ZDHHC7: variants seen among roughly 807,000 people sequenced by gnomAD.
ZDHHC7 encodes the protein palmitoyltransferase ZDHHC7.
In ZDHHC7, 12 loss-of-function variants were observed where a neutral mutation model predicts 34.1. That is an observed-to-expected ratio of 0.35 (90% confidence interval 0.23 to 0.57). The LOEUF (loss-of-function observed/expected upper bound fraction) is 0.57, where lower values mean the gene tolerates loss of function less well. ZDHHC7 is among the 20% of genes least tolerant of loss of function. ZDHHC7 has a pLI of 0.84. For missense variants in ZDHHC7, 388 were observed against 402.7 expected (o/e 0.96, Z 0.31); for synonymous variants, 185 against 155.4 (o/e 1.19, Z -1.42).
upstream of ZDHHC7, among the ~76,000 whole-genome samples, chr16:85,015,303 G>A (rs992182016): frequency 6.6e-6 from 1 of 151,976 alleles, no homozygotes; most frequent in Non-Finnish European, 1.5e-5. Flanking sequence ...GTTTCATCAT[G>A]TTGGCCAGGC....
Position 84,985,514 on chromosome 16 carries a change from CTG to C in ZDHHC7, c.316-3522_316-3521del, listed in dbSNP as rs138514021. On this transcript the variant is annotated intron_variant, in intron 3 of 7. Coordinates refer to ENST00000313732, the MANE Select transcript of ZDHHC7 (RefSeq NM_017740.3). ...AGGGATGTAAACTGCAAACAAAGAA[CTG>C]TGTTTCTTCAACTTAAACCCCAAGG... Among the ~76,000 whole-genome samples, 15 of 152,312 alleles carry C rather than the reference CTG, an allele frequency of 9.8e-5. No homozygotes were observed. The East Asian group carries it at 2.1e-3, about 22-fold the overall frequency.
chr16:84,984,955 T>C (rs998627767), intron 3 of ZDHHC7, among the ~76,000 whole-genome samples: 5 of 152,246 alleles, frequency 3.3e-5, no homozygotes, highest in Admixed American at 2.6e-4. Context: ...CACCGTTTCC[T>C]CTGCACCCAT....
chr16:85,012,849 G>A (rs112072880), upstream of ZDHHC7, among the ~76,000 whole-genome samples: 25 of 152,168 alleles, frequency 1.6e-4, no homozygotes, highest in African/African-American at 5.8e-4. Flanking sequence ...AGAGGTTGCA[G>A]TGGGCCGAGA....
chr16:85,006,812 T>G (rs888605905), intron 1 of ZDHHC7, among the ~76,000 whole-genome samples: 11 of 152,130 alleles, frequency 7.2e-5, no homozygotes. Context: ...TTGCGAAACC[T>G]TCTGGCTCTC....
intron 1 of ZDHHC7, among the ~76,000 whole-genome samples, chr16:85,004,184 C>T (rs968421953): frequency 6.6e-6 from 1 of 151,968 alleles, no homozygotes; most frequent in African/African-American, 2.4e-5. Flanking sequence ...ATCAACGGCA[C>T]ACCACACCCA....
At chr16:84,999,137 A>C (rs1449663863) in intron 1 of ZDHHC7, among the ~76,000 whole-genome samples, 1 of 152,172 alleles carries the variant, frequency 6.6e-6, no homozygotes, top group African/African-American at 2.4e-5. Flanking sequence ...AATATTTTGA[A>C]CTGTTTTCCA....
the ZDHHC7 span, among the ~76,000 whole-genome samples, chr16:85,022,493 A>C: frequency 6.6e-6 from 1 of 152,194 alleles, no homozygotes; most frequent in Non-Finnish European, 1.5e-5. Flanking sequence ...ACTGGACTCC[A>C]GCCTGGGCAA....
the ZDHHC7 span, among the ~76,000 whole-genome samples, chr16:85,016,814 T>A: frequency 6.6e-6 from 1 of 152,088 alleles, no homozygotes; most frequent in African/African-American, 2.4e-5. Flanking sequence ...TCCATTCTTA[T>A]CAAGGATCTT....
At chr16:85,024,282 A>G in the ZDHHC7 span, among the ~76,000 whole-genome samples, 1 of 143,312 alleles carries the variant, frequency 7.0e-6, no homozygotes, top group Non-Finnish European at 1.5e-5. Context: ...CCTAGGCTAG[A>G]GTGCAATGGC....
chr16:84,993,025 T>A (rs2072530613), intron 2 of ZDHHC7, among the ~76,000 whole-genome samples: 1 of 152,120 alleles, frequency 6.6e-6, no homozygotes, highest in Non-Finnish European at 1.5e-5. Context: ...TTCAATCAGA[T>A]AAAAGCAGCT....
chr16:84,988,192 T>A (rs528708047), intron 3 of ZDHHC7, among the ~76,000 whole-genome samples: 2 of 151,464 alleles, frequency 1.3e-5, no homozygotes, highest in African/African-American at 4.8e-5. Flanking sequence ...TCTGTGAACA[T>A]GCAAATTCCA....
chr16:84,984,557 G>A (rs767700204), intron 3 of ZDHHC7, among the ~76,000 whole-genome samples: 1 of 152,032 alleles, frequency 6.6e-6, no homozygotes, highest in Non-Finnish European at 1.5e-5. Flanking sequence ...TCTGGAAAGC[G>A]GCTACCCCAA....
intron 2 of ZDHHC7, among the ~76,000 whole-genome samples, chr16:84,991,310 C>T (rs974849166): frequency 5.3e-5 from 8 of 151,952 alleles, no homozygotes; most frequent in African/African-American, 1.9e-4. Context: ...TTTTTGAAAC[C>T]AAGTCTCACT....
chr16:85,022,965 GT>G, the ZDHHC7 span, among the ~76,000 whole-genome samples: 20 of 152,154 alleles, frequency 1.3e-4, no homozygotes, highest in Non-Finnish European at 2.2e-4. Context: ...CTGAGGAACT[GT>G]TCCAGAGTAA....
intron 2 of ZDHHC7, among the ~76,000 whole-genome samples, chr16:84,990,912 G>A (rs1352477507): frequency 6.6e-6 from 1 of 152,212 alleles, no homozygotes; most frequent in Non-Finnish European, 1.5e-5. Context: ...ATTATGGAAA[G>A]CACAAGCTAG....
At chr16:84,999,617 A>T (rs1161875330) in intron 1 of ZDHHC7, among the ~76,000 whole-genome samples, 1 of 152,204 alleles carries the variant, frequency 6.6e-6, no homozygotes, top group Non-Finnish European at 1.5e-5. Context: ...ACACGGAAGA[A>T]TATATAGTGT....
At chr16:84,983,732 T>C (rs920647239) in intron 3 of ZDHHC7, among the ~76,000 whole-genome samples, 4 of 151,410 alleles carry the variant, frequency 2.6e-5, no homozygotes, top group African/African-American at 9.7e-5. Flanking sequence ...CTGGGCAGGG[T>C]GGCTCACGGC....
chr16:85,007,422 C>CAAAAAA (rs138373927), intron 1 of ZDHHC7, among the ~76,000 whole-genome samples: 3 of 85,504 alleles, frequency 3.5e-5, no homozygotes, highest in Admixed American at 1.2e-4. Context: ...TACTCCATCT[C>CAAAAAA]AAAAAAAAAA....
At chr16:84,976,817 C>A (rs1012335783) in intron 7 of ZDHHC7, among the ~76,000 whole-genome samples, 1 of 152,256 alleles carries the variant, frequency 6.6e-6, no homozygotes, top group African/African-American at 2.4e-5. Context: ...GCCTGCAGAG[C>A]CAGGCCCTAA....
Sources: gnomAD v4.1 joint callset for allele counts (sites outside exome capture counted in the v4.1 genomes callset) on GRCh38, gnomAD v4.1.1 for gene constraint, MANE v1.5 for transcripts, NCBI Gene and HGNC (gene_info 2026-07-23, HGNC 2026-07-21) for gene names.